The following STIM1 variants were observed in gnomAD, a reference collection of about 807,000 sequenced individuals.
The protein encoded by STIM1 is stromal interaction molecule 1.
STIM1 carries 25 observed loss-of-function variants against 74.7 expected under a neutral mutation model. The ratio of observed to expected loss-of-function variants is 0.33; its 90% CI spans 0.24 to 0.47. The LOEUF (loss-of-function observed/expected upper bound fraction) is 0.47, where lower values mean the gene tolerates loss of function less well. Ranked by LOEUF, STIM1 falls within the 20% of genes least tolerant of loss-of-function variation. The pLI is 1.00. For synonymous variants in STIM1, 328 were observed against 348.8 expected, an observed-to-expected ratio of 0.94 and a Z score of 0.66; for missense variants, 728 against 920.8, an observed-to-expected ratio of 0.79 and a Z score of 2.71.
intron 2 of STIM1, among the ~76,000 whole-genome samples, chr11:4,011,660 C>T (rs192303579): frequency 6.6e-6 from 1 of 152,084 alleles, no homozygotes; most frequent in Non-Finnish European, 1.5e-5. Flanking sequence ...AAATTTTCTC[C>T]CATTCTATAG....
intron 3 of STIM1, among the ~76,000 whole-genome samples, chr11:4,043,053 G>T (rs548483608): frequency 4.9e-4 from 75 of 152,140 alleles, no homozygotes; most frequent in Non-Finnish European, 1.0e-3. Flanking sequence ...GGAAATTGAG[G>T]TTCATAATGG....
intron 2 of STIM1, among the ~76,000 whole-genome samples, chr11:3,994,930 C>A (rs2093650298): frequency 6.6e-6 from 1 of 152,046 alleles, no homozygotes; most frequent in Non-Finnish European, 1.5e-5. Context: ...ACTATTTAGC[C>A]CCTGTCCTAA....
intron 1 of STIM1, among the ~76,000 whole-genome samples, chr11:3,897,372 G>C (rs149788130): frequency 6.6e-6 from 1 of 152,306 alleles, no homozygotes; most frequent in African/African-American, 2.4e-5. Flanking sequence ...AGCTTATTGC[G>C]ATGGAGAAGA....
intron 1 of STIM1, among the ~76,000 whole-genome samples, chr11:3,916,112 A>G (rs1383288613): frequency 6.6e-6 from 1 of 152,122 alleles, no homozygotes; most frequent in Admixed American, 6.6e-5. Context: ...TTCAAAGCCA[A>G]GGTTATGAAG....
At chr11:3,924,397 A>C (rs1207974545) in intron 1 of STIM1, among the ~76,000 whole-genome samples, 1 of 151,754 alleles carries the variant, frequency 6.6e-6, no homozygotes, top group Non-Finnish European at 1.5e-5. Context: ...GCGGGGTTTC[A>C]CCATGTTAGC....
chr11:3,984,402 C>T (rs2093538074), intron 2 of STIM1, among the ~76,000 whole-genome samples: 1 of 152,178 alleles, frequency 6.6e-6, no homozygotes, highest in Admixed American at 6.5e-5. Flanking sequence ...TTGAAGTCTG[C>T]TCAGGCCCTT....
intron 2 of STIM1, among the ~76,000 whole-genome samples, chr11:3,996,565 A>G (rs548940010): frequency 1.3e-5 from 2 of 152,274 alleles, no homozygotes; most frequent in South Asian, 2.1e-4. Flanking sequence ...TTGAGAGAGA[A>G]GGTCTGTGTT....
chr11:4,039,522 G>T (rs1176751424), intron 3 of STIM1, among the ~76,000 whole-genome samples: 1 of 147,464 alleles, frequency 6.8e-6, no homozygotes, highest in Admixed American at 6.8e-5. Context: ...GGAGGCAGAG[G>T]TTGCAGTGAG....
At chr11:3,985,762 C>T (rs2093552789) in intron 2 of STIM1, among the ~76,000 whole-genome samples, 1 of 152,164 alleles carries the variant, frequency 6.6e-6, no homozygotes, top group African/African-American at 2.4e-5. Context: ...CAGCTGGCTC[C>T]CAAGGCCCTG....
intron 1 of STIM1, among the ~76,000 whole-genome samples, chr11:3,875,787 A>G (rs1213180453): frequency 6.6e-6 from 1 of 152,138 alleles, no homozygotes; most frequent in Non-Finnish European, 1.5e-5. Flanking sequence ...AAATATAGTT[A>G]AAACGCCTTT....
intron 1 of STIM1, among the ~76,000 whole-genome samples, chr11:3,941,162 A>C (rs2093000132): frequency 6.6e-6 from 1 of 152,222 alleles, no homozygotes; most frequent in Admixed American, 6.5e-5. Context: ...AAATGAAACA[A>C]AACTTTTACA....
At chr11:3,890,209 C>A (rs2091854048) in intron 1 of STIM1, among the ~76,000 whole-genome samples, 1 of 152,174 alleles carries the variant, frequency 6.6e-6, no homozygotes, top group Non-Finnish European at 1.5e-5. Flanking sequence ...ATCTGTAAAA[C>A]AAGCCTAATG....
intron 1 of STIM1, among the ~76,000 whole-genome samples, chr11:3,858,881 C>T (rs2090490973): frequency 6.6e-6 from 1 of 152,144 alleles, no homozygotes; most frequent in South Asian, 2.1e-4. Flanking sequence ...GGTGAAGAAA[C>T]CTGGTCCTGT....
At position 3,963,253 on chromosome 11, in the gene STIM1, G is replaced by A. The variant is rs375159923; in HGVS notation, c.140-4299G>A. ...TTCCTCCTCCCACCCTCCACCCTCCGAAAGGCCCCAGTGTGTGTTGTTTCC... is the reference window on the plus strand; with the variant it reads ...TTCCTCCTCCCACCCTCCACCCTCCAAAAGGCCCCAGTGTGTGTTGTTTCC... On this transcript the variant is annotated intron_variant, in intron 1 of 12. Coordinates refer to ENST00000526596, the MANE Select transcript of STIM1 (RefSeq NM_001382567.1). Among the ~76,000 whole-genome samples the A allele has an allele frequency of 3.8e-4, 58 of 152,084 alleles. No homozygotes were observed. The East Asian group carries it at 7.9e-3, about 21-fold the overall frequency.
chr11:3,908,638 A>G (rs2092509443), intron 1 of STIM1, among the ~76,000 whole-genome samples: 1 of 151,396 alleles, frequency 6.6e-6, no homozygotes, highest in South Asian at 2.1e-4. Flanking sequence ...ATTTGCCAAG[A>G]TTGCATGGCT....
chr11:4,073,056 T>G (rs924635659), intron 6 of STIM1, among the ~76,000 whole-genome samples: 5 of 149,448 alleles, frequency 3.3e-5, no homozygotes, highest in African/African-American at 1.2e-4. Context: ...AGGTTTTTTT[T>G]TTTTTTTTTT....
intron 2 of STIM1, among the ~76,000 whole-genome samples, chr11:3,994,738 G>A (rs1200514418): frequency 6.6e-6 from 1 of 152,058 alleles, no homozygotes; most frequent in Non-Finnish European, 1.5e-5. Context: ...GAGTCTTTCT[G>A]CTCCTTTTTC....
chr11:3,969,347 G>A (rs186354867), intron 2 of STIM1, among the ~76,000 whole-genome samples: 1 of 152,182 alleles, frequency 6.6e-6, no homozygotes, highest in Non-Finnish European at 1.5e-5. Flanking sequence ...GCTGGGTGTG[G>A]TGGCATACAC....
rs577010805 is a variant in STIM1, at chr11:4,050,052, G to A, written c.386-5474G>A. Among the ~76,000 whole-genome samples the A allele has an allele frequency of 1.1e-4, 17 of 152,142 alleles. No individual in the cohort carries two copies. In the South Asian group the frequency reaches 1.9e-3, roughly 17 times the overall value. ...TTGTTGTTATTAACATTATAGTTCA[G>A]GTTCATTTTATCCCAGACACCAGTA... On this transcript the variant is annotated intron_variant, in intron 3 of 12. Coordinates refer to ENST00000526596, the MANE Select transcript of STIM1 (RefSeq NM_001382567.1).
Sources: allele counts gnomAD v4.1 joint callset (sites outside exome capture counted in the v4.1 genomes callset), GRCh38; gene constraint gnomAD v4.1.1; transcripts MANE v1.5; gene names NCBI Gene and HGNC (gene_info 2026-07-23, HGNC 2026-07-21).